CACNA1D: variants seen among roughly 807,000 people sequenced by gnomAD.
CACNA1D encodes calcium voltage-gated channel subunit alpha1 D.
Under a neutral mutation model 257.1 loss-of-function variants are expected in CACNA1D, and 55 were observed. The observed-to-expected ratio is 0.21, with a 90% confidence interval of 0.17 to 0.27. CACNA1D has a LOEUF of 0.27. Ranked by LOEUF, CACNA1D falls within the 10% of genes least tolerant of loss-of-function variation. CACNA1D has a pLI of 1.00. For missense variants in CACNA1D, 1,876 were observed against 2,784.0 expected (o/e 0.67, Z 7.34); for synonymous variants, 980 against 1,014.9 (o/e 0.97, Z 0.65).
chr3:53,748,967 C>A, intron 26 of CACNA1D: 1 of 493,198 alleles, frequency 2.0e-6, no homozygotes, highest in South Asian at 2.0e-5. Context: ...GTGTCTTACA[C>A]GTGATATTCT....
At chr3:53,780,204 T>G in intron 38 of CACNA1D, 76 bp downstream of exon 38, 1 of 1,206,380 alleles carries the variant, frequency 8.3e-7, no homozygotes, top group Non-Finnish European at 1.2e-6. Flanking sequence ...CTTCCTCATC[T>G]GGGCCTTTTC....
At chr3:53,625,831 G>T (rs1010893969) in intron 3 of CACNA1D, among the ~76,000 whole-genome samples, 1 of 152,152 alleles carries the variant, frequency 6.6e-6, no homozygotes, top group Non-Finnish European at 1.5e-5. Flanking sequence ...TGTATGGTTG[G>T]GTGAGTGGGC....
In CACNA1D at chr3:53,772,463, G is replaced by T. The variant is rs1421859090; in HGVS notation, c.4045-370G>T. Among the ~76,000 whole-genome samples the T allele has an allele frequency of 2.0e-5, 3 of 152,294 alleles. No individual in the cohort carries two copies. In the East Asian group the frequency reaches 5.8e-4, roughly 29 times the overall value. ...AAAAGAAAGTGGAAGTACTCTAAAT[G>T]TCCAGTGTTCTGGAATGGTTTGATC... On this transcript the variant is annotated intron_variant, in intron 32 of 47. Coordinates refer to ENST00000350061, the MANE Select transcript of CACNA1D (RefSeq NM_001128840.3).
chr3:53,663,292 A>G (rs1345340941), intron 5 of CACNA1D, among the ~76,000 whole-genome samples: 2 of 152,072 alleles, frequency 1.3e-5, no homozygotes, highest in Non-Finnish European at 2.9e-5. Context: ...TTTCCTGACT[A>G]TGTATTGGGA....
At chr3:53,700,669 C>T (rs189191987) in intron 8 of CACNA1D, among the ~76,000 whole-genome samples, 44 of 152,146 alleles carry the variant, frequency 2.9e-4, no homozygotes, top group African/African-American at 9.6e-4. Context: ...GGTCAGAGCA[C>T]GTGTCTGGGC....
At chr3:53,578,864 C>T (rs1225679944) in intron 3 of CACNA1D, among the ~76,000 whole-genome samples, 1 of 152,168 alleles carries the variant, frequency 6.6e-6, no homozygotes, top group Non-Finnish European at 1.5e-5. Flanking sequence ...CAAATCAAAG[C>T]ATGCTTGGGG....
intron 3 of CACNA1D, among the ~76,000 whole-genome samples, chr3:53,598,102 G>C (rs918819171): frequency 6.6e-6 from 1 of 152,076 alleles, no homozygotes; most frequent in African/African-American, 2.4e-5. Context: ...TCTCCATTAG[G>C]TTGGCTCATC....
chr3:53,529,473 A>T (rs993131645), intron 3 of CACNA1D, among the ~76,000 whole-genome samples: 1 of 152,124 alleles, frequency 6.6e-6, no homozygotes, highest in Non-Finnish European at 1.5e-5. Context: ...TTTCTTTGTA[A>T]TGTCCCTGTC....
rs765266325 is a variant in CACNA1D at position 53,749,484 on chromosome 3, C to T, written c.3516+15C>T. On this transcript the variant is annotated intron_variant, in intron 27 of 47. Coordinates refer to ENST00000350061, the MANE Select transcript of CACNA1D (RefSeq NM_001128840.3). ...ACAAAAATCAGGTTAAAGTCACACA[C>T]TGTTTTGGCTTCTGTCCCTTGGTCA... 6 of 1,583,848 alleles carry T rather than the reference C, an allele frequency of 3.8e-6. No homozygotes were observed. The Admixed American group carries it at 5.0e-5, about 13-fold the overall frequency.
At chr3:53,603,020 G>T (rs2093464667) in intron 3 of CACNA1D, among the ~76,000 whole-genome samples, 2 of 152,204 alleles carry the variant, frequency 1.3e-5, no homozygotes, top group African/African-American at 4.8e-5. Context: ...GTCACAGGAT[G>T]TTGTCATATG....
chr3:53,716,466 G>A (rs146208127), intron 9 of CACNA1D, among the ~76,000 whole-genome samples: 1 of 152,312 alleles, frequency 6.6e-6, no homozygotes, highest in African/African-American at 2.4e-5. Context: ...ATCAGAGTGA[G>A]GAACAGTCGA....
chr3:53,722,505 TG>T (rs2094892520), intron 12 of CACNA1D, 31 bp downstream of exon 12: 1 of 1,610,796 alleles, frequency 6.2e-7, no homozygotes, highest in African/African-American at 1.3e-5. Context: ...TTTTTTGTTC[TG>T]AACTAGAGAT....
intron 3 of CACNA1D, among the ~76,000 whole-genome samples, chr3:53,562,355 G>A (rs2092755054): frequency 6.6e-6 from 1 of 152,214 alleles, no homozygotes. Context: ...CTGCCATTGT[G>A]TTCAGAGAAC....
intron 3 of CACNA1D, among the ~76,000 whole-genome samples, chr3:53,596,836 T>C (rs1243007698): frequency 6.6e-6 from 1 of 152,220 alleles, no homozygotes; most frequent in Non-Finnish European, 1.5e-5. Context: ...AGCTACTAAA[T>C]TATAGTAACT....
intron 8 of CACNA1D, among the ~76,000 whole-genome samples, chr3:53,677,525 C>G (rs1024096766): frequency 3.3e-5 from 5 of 152,368 alleles, no homozygotes; most frequent in African/African-American, 4.8e-5. Context: ...CCCCACTCCC[C>G]TCACTGGGTT....
At chr3:53,549,159 C>T (rs2092476266) in intron 3 of CACNA1D, among the ~76,000 whole-genome samples, 1 of 152,206 alleles carries the variant, frequency 6.6e-6, no homozygotes. Flanking sequence ...CTCACTGCTA[C>T]TGTGGGGTTT....
At chr3:53,783,775 A>G (rs2095438519) in intron 39 of CACNA1D, among the ~76,000 whole-genome samples, 1 of 152,146 alleles carries the variant, frequency 6.6e-6, no homozygotes, top group South Asian at 2.1e-4. Flanking sequence ...CAGTAGGCCC[A>G]TGTCCCCAAC....
chr3:53,771,518 A>G (rs1449079113), intron 32 of CACNA1D, among the ~76,000 whole-genome samples: 1 of 152,178 alleles, frequency 6.6e-6, no homozygotes, highest in Non-Finnish European at 1.5e-5. Flanking sequence ...GGCACTCACA[A>G]GGGAAGTCAC....
At chr3:53,662,833 A>G (rs2094217999) in intron 5 of CACNA1D, among the ~76,000 whole-genome samples, 1 of 152,238 alleles carries the variant, frequency 6.6e-6, no homozygotes, top group African/African-American at 2.4e-5. Context: ...AATGTAAAAA[A>G]TATTCACAAA....
Sources: allele counts gnomAD v4.1 joint callset (sites outside exome capture counted in the v4.1 genomes callset), GRCh38; gene constraint gnomAD v4.1.1; transcripts MANE v1.5; gene names NCBI Gene and HGNC (gene_info 2026-07-23, HGNC 2026-07-21).